INPP4B: variants seen among roughly 807,000 people sequenced by gnomAD.
INPP4B encodes the protein inositol polyphosphate 4-phosphatase type II.
Under a neutral mutation model 122.5 loss-of-function variants are expected in INPP4B, and 55 were observed. The observed-to-expected ratio is 0.45, with a 90% confidence interval of 0.36 to 0.56. The LOEUF (loss-of-function observed/expected upper bound fraction) is 0.56. Ranked by LOEUF, INPP4B falls within the 20% of genes least tolerant of loss-of-function variation. The probability of loss-of-function intolerance (pLI) is 0.00; values close to 1 mark genes in which losing one functional copy is unlikely to be tolerated. For synonymous variants in INPP4B, 403 were observed against 388.7 expected, an observed-to-expected ratio of 1.04 and a Z score of -0.43; for missense variants, 1,000 against 1,097.7, an observed-to-expected ratio of 0.91 and a Z score of 1.26.
chr4:142,846,523 T>C (rs1277128481), upstream of INPP4B, among the ~76,000 whole-genome samples: 2 of 152,150 alleles, frequency 1.3e-5, no homozygotes, highest in African/African-American at 4.8e-5. This position sits in a 1 kb window ranked among gnomAD's most constrained non-coding sequence, Gnocchi z 5.1. Context: ...CCAGCGCGGC[T>C]GGCTCTCCGG....
intron 1 of INPP4B, among the ~76,000 whole-genome samples, chr4:142,745,133 A>C (rs776042546): frequency 9.9e-5 from 15 of 151,890 alleles, no homozygotes; most frequent in Non-Finnish European, 1.9e-4. Flanking sequence ...AAAAGTTGAG[A>C]ATAGGATAGC....
chr4:142,107,842 C>T (rs1010364212), intron 23 of INPP4B, among the ~76,000 whole-genome samples: 1 of 152,078 alleles, frequency 6.6e-6, no homozygotes, highest in Non-Finnish European at 1.5e-5. Flanking sequence ...TATTATTTGG[C>T]ATTTTCCAGT....
chr4:142,725,120 C>T (rs1765169531), intron 2 of INPP4B, among the ~76,000 whole-genome samples: 2 of 152,054 alleles, frequency 1.3e-5, no homozygotes, highest in Non-Finnish European at 2.9e-5. Flanking sequence ...ATAAAACATA[C>T]ACACATTGTT....
At chr4:142,270,842 C>T (rs1745431548) in intron 9 of INPP4B, 68 bp from the exon 10 acceptor site, 1 of 1,040,412 alleles carries the variant, frequency 9.6e-7, no homozygotes, top group Non-Finnish European at 1.5e-6. Context: ...ATCCAAAACA[C>T]ATTTGTTTCT....
At chr4:142,286,377 T>G (rs757934184) in intron 9 of INPP4B, among the ~76,000 whole-genome samples, 21 of 152,202 alleles carry the variant, frequency 1.4e-4, no homozygotes, top group Non-Finnish European at 2.8e-4. Flanking sequence ...TATTTTGGTA[T>G]TTGGCAGATA....
chr4:142,173,842 A>G lies in INPP4B; in HGVS notation c.1182-33T>C. ...AACAAAGATAAAAATAAGTTACACAAACAGCATAATGAATGTTCAGCCCTT... is the reference window on the plus strand; with the variant it reads ...AACAAAGATAAAAATAAGTTACACAGACAGCATAATGAATGTTCAGCCCTT... On this transcript the variant is annotated intron_variant, in intron 15 of 25. Transcript: ENST00000262992. 2.6e-6 allele frequency: 4 copies of G among 1,549,810 alleles called. No homozygotes were observed. The South Asian group carries it at 4.5e-5, about 17-fold the overall frequency.
intron 2 of INPP4B, among the ~76,000 whole-genome samples, chr4:142,537,991 T>C (rs1828494409): frequency 6.6e-6 from 1 of 152,070 alleles, no homozygotes; most frequent in Admixed American, 6.5e-5. Context: ...TCATTTTTAA[T>C]ACCTTAACTT....
At chr4:142,281,107 AT>A (rs5862581) in intron 9 of INPP4B, among the ~76,000 whole-genome samples, 29,845 of 146,432 alleles carry the variant, frequency 0.2, 3,301 homozygotes, top group Middle Eastern at 0.33. Context: ...CATTTATTTC[AT>A]TTTTTTTTTT....
intron 16 of INPP4B, among the ~76,000 whole-genome samples, chr4:142,168,545 T>C (rs973505668): frequency 4.0e-5 from 6 of 151,646 alleles, no homozygotes; most frequent in Non-Finnish European, 8.9e-5. Context: ...AATCTAAGAC[T>C]AATTTAGTCC....
chr4:142,642,142 A>C (rs889474763), intron 2 of INPP4B, among the ~76,000 whole-genome samples: 6 of 151,778 alleles, frequency 4.0e-5, no homozygotes, highest in African/African-American at 1.2e-4. Flanking sequence ...AATTTGTTTG[A>C]GTTCTTTGTA....
chr4:142,612,264 G>T (rs372398395), intron 2 of INPP4B, among the ~76,000 whole-genome samples: 3 of 152,146 alleles, frequency 2.0e-5, no homozygotes, highest in African/African-American at 7.2e-5. Flanking sequence ...TAAATGAGAT[G>T]ATTCATTTGT....
At chr4:142,112,800 G>T in intron 21 of INPP4B, 118 bp from the exon 22 acceptor site, 1 of 834,290 alleles carries the variant, frequency 1.2e-6, no homozygotes, top group Non-Finnish European at 1.8e-6. Flanking sequence ...GGTTTCTGTT[G>T]CTATATGCTT....
chr4:142,139,499 G>T (rs973025825), intron 18 of INPP4B, among the ~76,000 whole-genome samples: 1 of 152,030 alleles, frequency 6.6e-6, no homozygotes, highest in African/African-American at 2.4e-5. Context: ...TAGAGATGGG[G>T]TTTCCCCATG....
At chr4:142,190,128 T>C (rs1835078018) in intron 15 of INPP4B, among the ~76,000 whole-genome samples, 1 of 152,122 alleles carries the variant, frequency 6.6e-6, no homozygotes, top group African/African-American at 2.4e-5. Flanking sequence ...AATAGTACAG[T>C]GGCTGTGGTA....
chr4:142,245,156 C>G (rs1727294368), intron 11 of INPP4B, among the ~76,000 whole-genome samples: 1 of 152,054 alleles, frequency 6.6e-6, no homozygotes, highest in Non-Finnish European at 1.5e-5. Flanking sequence ...AAAATTTTCT[C>G]CCATTCTTTA....
chr4:142,501,324 G>T (rs1412948761), intron 2 of INPP4B, among the ~76,000 whole-genome samples: 1 of 152,124 alleles, frequency 6.6e-6, no homozygotes, highest in Non-Finnish European at 1.5e-5. Flanking sequence ...TAACTGATTA[G>T]CAGCCAGAGG....
intron 2 of INPP4B, among the ~76,000 whole-genome samples, chr4:142,481,066 C>T (rs1378347013): frequency 7.0e-6 from 1 of 142,650 alleles, no homozygotes; most frequent in Non-Finnish European, 1.5e-5. Context: ...ACTCTGGAGG[C>T]AGAGGTTTCA....
intron 9 of INPP4B, among the ~76,000 whole-genome samples, chr4:142,279,555 A>T (rs975621985): frequency 1.3e-5 from 2 of 151,844 alleles, no homozygotes; most frequent in Non-Finnish European, 2.9e-5. Flanking sequence ...AAAAAAAATA[A>T]ACTCTGCTTA....
At chr4:142,557,172 C>T (rs1316978637) in intron 2 of INPP4B, among the ~76,000 whole-genome samples, 1 of 152,078 alleles carries the variant, frequency 6.6e-6, no homozygotes, top group Non-Finnish European at 1.5e-5. Context: ...AGAAGGAAGG[C>T]CGGCAGTTCT....
Sources: gnomAD v4.1 joint callset for allele counts (sites outside exome capture counted in the v4.1 genomes callset) on GRCh38, gnomAD v4.1.1 for gene constraint, Gnocchi (gnomAD v3.1) non-coding constraint, MANE v1.5 for transcripts, NCBI Gene and HGNC (gene_info 2026-07-23, HGNC 2026-07-21) for gene names.